The following DNAH11 variants were observed in gnomAD, a reference collection of about 807,000 sequenced individuals.
The protein encoded by DNAH11 is axonemal beta dynein heavy chain 11.
A neutral mutation model predicts 526.0 loss-of-function variants in DNAH11; 442 were observed. The observed-to-expected ratio is 0.84, with a 90% CI of 0.78 to 0.91. The LOEUF (loss-of-function observed/expected upper bound fraction) is 0.91, where lower values mean the gene tolerates loss of function less well. Among genes scored for constraint, DNAH11 ranks in the 40% least tolerant of loss-of-function variants. The pLI is 0.00. For missense variants in DNAH11, 6,989 were observed against 5,448.7 expected, an observed-to-expected ratio of 1.28 and a Z score of -8.90; for synonymous variants, 2,461 against 1,935.9, an observed-to-expected ratio of 1.27 and a Z score of -7.12.
chr7:21,683,245 G>T (rs960515636), intron 31 of DNAH11, among the ~76,000 whole-genome samples: 1 of 152,278 alleles, frequency 6.6e-6, no homozygotes, highest in East Asian at 1.9e-4. Context: ...AAGAGACAGG[G>T]ATTTTTAACT....
chr7:21,816,148 T>A lies in DNAH11; in HGVS notation c.10333-319T>A, dbSNP rs1042382966. On this transcript the variant is annotated intron_variant, in intron 63 of 81. Coordinates refer to ENST00000409508, the MANE Select transcript of DNAH11 (RefSeq NM_001277115.2). ...GCTCCATGGGCAAATATATTTCTGGTGTCCTGCCATTCTTCCTGGGGTGTA... is the reference window on the plus strand; with the variant it reads ...GCTCCATGGGCAAATATATTTCTGGAGTCCTGCCATTCTTCCTGGGGTGTA... Among the ~76,000 whole-genome samples, 3 of 152,156 alleles carry A rather than the reference T, an allele frequency of 2.0e-5. No homozygotes were observed. In the South Asian group the frequency reaches 6.2e-4, roughly 32 times the overall value.
At chr7:21,597,363 G>A (rs1784898266) in intron 14 of DNAH11, among the ~76,000 whole-genome samples, 1 of 152,170 alleles carries the variant, frequency 6.6e-6, no homozygotes, top group Non-Finnish European at 1.5e-5. Context: ...TCCTACTAGT[G>A]CGACGCTGAA....
At position 21,687,369 on chromosome 7, in the gene DNAH11, C is replaced by T. The variant is rs774508341; in HGVS notation, c.5779-13C>T. The T allele has an allele frequency of 1.3e-6, 2 of 1,596,664 alleles. No individual in the cohort carries two copies. The highest frequency in any genetic ancestry group is 1.7e-6 in the Non-Finnish European group (2 of 1,170,216). ...CTTCTGTTAAATTCTGAGTGCCTCA[C>T]TTTATCATTTAGTCCATAGGCAATA... On this transcript the variant is annotated splice_polypyrimidine_tract_variant and intron_variant, in intron 33 of 81. Transcript: ENST00000409508.
chr7:21,728,783 T>A (rs1349852764), intron 45 of DNAH11, among the ~76,000 whole-genome samples: 1 of 152,238 alleles, frequency 6.6e-6, no homozygotes, highest in Non-Finnish European at 1.5e-5. Context: ...GACCTTTCTA[T>A]TCCAAAAGGG....
chr7:21,639,235 G>T (rs1456515600), intron 28 of DNAH11, among the ~76,000 whole-genome samples, 170 bp downstream of exon 28: 4 of 152,176 alleles, frequency 2.6e-5, no homozygotes. Context: ...TGTGCAAAAG[G>T]GAGTAGGAAG....
At chr7:21,653,267 C>G (rs190511967) in intron 28 of DNAH11, among the ~76,000 whole-genome samples, 1 of 152,222 alleles carries the variant, frequency 6.6e-6, no homozygotes, top group East Asian at 1.9e-4. Context: ...AAATACGAAG[C>G]AATCTCATTA....
intron 73 of DNAH11, among the ~76,000 whole-genome samples, chr7:21,871,449 T>C (rs1783491952): frequency 6.6e-6 from 1 of 152,236 alleles, no homozygotes; most frequent in Non-Finnish European, 1.5e-5. Flanking sequence ...CCACGATGGC[T>C]TGCTTAGAGG....
chr7:21,871,144 GTAGT>G (rs1783478781), intron 73 of DNAH11, among the ~76,000 whole-genome samples: 1 of 152,206 alleles, frequency 6.6e-6, no homozygotes, highest in South Asian at 2.1e-4. Flanking sequence ...TGTTTAGATA[GTAGT>G]TAATCGAAAG....
intron 61 of DNAH11, among the ~76,000 whole-genome samples, chr7:21,794,487 G>A (rs1035294333): frequency 2.6e-5 from 4 of 152,132 alleles, no homozygotes; most frequent in African/African-American, 9.7e-5. Flanking sequence ...TTAAGCTCAG[G>A]TTTGCCTTGA....
intron 26 of DNAH11, among the ~76,000 whole-genome samples, chr7:21,637,256 C>T (rs2128459792): frequency 6.6e-6 from 1 of 152,082 alleles, no homozygotes; most frequent in Admixed American, 6.6e-5. Flanking sequence ...CCCCCACCTC[C>T]TCCTACTTGT....
rs1324799940 is a variant in DNAH11 at position 21,604,667 on chromosome 7, G to T, written c.3649-1759G>T. On this transcript the variant is annotated intron_variant, in intron 18 of 81. Coordinates refer to ENST00000409508, the MANE Select transcript of DNAH11 (RefSeq NM_001277115.2). ...GGCTTTGGAGATCATCTGATCTTTT[G>T]GGTTTCAAGAAAATTTATTTTTACC... 6.6e-5 allele frequency among the ~76,000 whole-genome samples: 10 copies of T among 152,114 alleles called. No individual in the cohort carries two copies. In the South Asian group the frequency reaches 2.1e-3, roughly 32 times the overall value.
chr7:21,569,696 T>C (rs751438794), intron 6 of DNAH11, among the ~76,000 whole-genome samples: 1 of 152,202 alleles, frequency 6.6e-6, no homozygotes, highest in Non-Finnish European at 1.5e-5. Flanking sequence ...AAATTCATGT[T>C]CTGATAGATT....
At chr7:21,884,564 TC>T (rs1784052517) in intron 76 of DNAH11, among the ~76,000 whole-genome samples, 154 bp downstream of exon 76, 1 of 152,212 alleles carries the variant, frequency 6.6e-6, no homozygotes, top group South Asian at 2.1e-4. Flanking sequence ...AATCTCGGGT[TC>T]CATCCCAGAC....
chr7:21,607,271 C>T (rs941432698), intron 20 of DNAH11, among the ~76,000 whole-genome samples: 1 of 152,136 alleles, frequency 6.6e-6, no homozygotes, highest in South Asian at 2.1e-4. Flanking sequence ...CCAGCCTAGT[C>T]CTTCCACATT....
Position 21,680,632 on chromosome 7 carries a change from A to G in DNAH11, c.5329-914A>G, listed in dbSNP as rs78060385. ...CGTATTTTCTATTCCATTCACTTCA[A>G]TGAATTGTCATTCATGGCATTCCAT... On this transcript the variant is annotated intron_variant, in intron 30 of 81. Transcript: ENST00000409508. Among the ~76,000 whole-genome samples the G allele has an allele frequency of 1.1e-4, 16 of 152,338 alleles. No individual in the cohort carries two copies. In the East Asian group the frequency reaches 1.2e-3, roughly 11 times the overall value.
intron 70 of DNAH11, among the ~76,000 whole-genome samples, chr7:21,865,114 A>G (rs1381888658): frequency 1.3e-5 from 2 of 152,232 alleles, no homozygotes; most frequent in African/African-American, 4.8e-5. Context: ...TTTTAGAGAA[A>G]TAAGTGACAG....
chr7:21,729,705 CTGAG>C (rs78245274), intron 45 of DNAH11, among the ~76,000 whole-genome samples: 98,540 of 151,720 alleles, frequency 0.65, 32,439 homozygotes, highest in South Asian at 0.73. Flanking sequence ...TCAAGTAACA[CTGAG>C]GTCTCACCAG....
chr7:21,666,417 A>G (rs138976556), intron 30 of DNAH11, among the ~76,000 whole-genome samples: 1 of 152,072 alleles, frequency 6.6e-6, no homozygotes. Flanking sequence ...ATCAAAAGAG[A>G]GATAGAAGTG....
chr7:21,846,571 G>A lies in DNAH11; in HGVS notation c.10896+3823G>A, dbSNP rs377596873. 5.3e-5 allele frequency among the ~76,000 whole-genome samples: 8 copies of A among 152,132 alleles called. 1 individual carries two copies. The highest frequency in any genetic ancestry group is 1.9e-4 in the African/African-American group (8 of 41,514). ...CTGGAATAAATCCCACTTGGTCGTG[G>A]TGTTTAATTATTTTTGTACATTGTT... On this transcript the variant is annotated intron_variant, in intron 66 of 81. Coordinates refer to ENST00000409508, the MANE Select transcript of DNAH11 (RefSeq NM_001277115.2).
Sources: gnomAD v4.1 joint callset for allele counts (sites outside exome capture counted in the v4.1 genomes callset) on GRCh38, gnomAD v4.1.1 for gene constraint, MANE v1.5 for transcripts, NCBI Gene and HGNC (gene_info 2026-07-23, HGNC 2026-07-21) for gene names.